The following HS3ST1 variants were observed in gnomAD, a reference collection of about 807,000 sequenced individuals.
HS3ST1 encodes the protein heparan sulfate-glucosamine 3-sulfotransferase 1.
HS3ST1 carries 8 observed loss-of-function variants against 20.7 expected under a neutral mutation model. The observed-to-expected ratio is 0.39, with a 90% CI of 0.23 to 0.70. The LOEUF (loss-of-function observed/expected upper bound fraction) is 0.70, where lower values mean the gene tolerates loss of function less well. Ranked by LOEUF, HS3ST1 falls within the 30% of genes least tolerant of loss-of-function variation. HS3ST1 has a pLI of 0.46. For missense variants in HS3ST1, 436 were observed against 423.4 expected, an observed-to-expected ratio of 1.03 and a Z score of -0.26; for synonymous variants, 205 against 190.4, an observed-to-expected ratio of 1.08 and a Z score of -0.63.
Position 11,400,020 on chromosome 4 carries a change from T to G in HS3ST1, c.-15A>C, listed in dbSNP as rs1718279436. Reference sequence around the variant, plus strand: ...AGCGCGGCCATGCTGGACACCACGGTGGCTTCACTGGGCCGCGCGCCGCTG... The same window carrying G: ...AGCGCGGCCATGCTGGACACCACGGGGGCTTCACTGGGCCGCGCGCCGCTG... On this transcript the variant is annotated 5_prime_UTR_variant, in exon 2 of 2. Coordinates refer to ENST00000002596, the MANE Select transcript of HS3ST1 (RefSeq NM_005114.4). The G allele has an allele frequency of 6.7e-7, 1 of 1,483,906 alleles. No individual in the cohort carries two copies. The highest frequency in any genetic ancestry group is 1.4e-5 in the African/African-American group (1 of 71,622). 91.9% of individuals were successfully genotyped at this position (1,483,906 alleles called of 1,614,324 possible). A position where few individuals can be genotyped will look rare whatever the true frequency, so the allele number is the denominator to read the frequency against.
rs1718139968 is a variant in HS3ST1 at position 11,396,155 on chromosome 4, C to T, written c.*2927G>A. 1 of 152,216 alleles carries T rather than the reference C, an allele frequency of 6.6e-6. No homozygotes were observed. The highest frequency in any genetic ancestry group is 2.1e-4 in the South Asian group (1 of 4,828). The allele number at this position is 152,216 out of a possible 1,614,324, so 9.4% of individuals were successfully genotyped here. On this transcript the variant is annotated 3_prime_UTR_variant, in exon 2 of 2. Coordinates refer to ENST00000002596, the MANE Select transcript of HS3ST1 (RefSeq NM_005114.4). ...CTCCATCTCCTTTCAGTTGGGTAAG[C>T]CTCCAAGCACAGAAGGAGTAAAGCA... is the stretch of plus-strand genomic sequence containing the variant.
intron 1 of HS3ST1, among the ~76,000 whole-genome samples, chr4:11,410,187 C>G (rs1718580469): frequency 6.6e-6 from 1 of 152,212 alleles, no homozygotes; most frequent in Admixed American, 6.5e-5. Context: ...CCTGGGGACA[C>G]TGAAATAATC....
Position 11,410,897 on chromosome 4 carries a change from AT to A in HS3ST1, c.-108-10785del, listed in dbSNP as rs1322926048. 2.8e-3 allele frequency among the ~76,000 whole-genome samples: 61 copies of A among 21,574 alleles called. 1 individual carries two copies. The highest frequency in any genetic ancestry group is 7.6e-3 in the African/African-American group (44 of 5,786). The allele number at this position is 21,574 out of a possible 152,430, so 14.2% of individuals were successfully genotyped here. On this transcript the variant is annotated intron_variant, in intron 1 of 1. Transcript: ENST00000002596. Reference sequence around the variant, plus strand: ...ACAGAGCGAGACTCCATCTCAAAAAATAAATAAATAAATAAATAAATAAAAA... The same window carrying A: ...ACAGAGCGAGACTCCATCTCAAAAAAAAATAAATAAATAAATAAATAAAAA...
intron 1 of HS3ST1, among the ~76,000 whole-genome samples, chr4:11,404,309 C>G (rs1718404700): frequency 6.6e-6 from 1 of 152,162 alleles, no homozygotes; most frequent in Admixed American, 6.5e-5. Context: ...TTCGGTCTCC[C>G]AAAGTGCTTG....
chr4:11,397,523 C>G lies in HS3ST1; in HGVS notation c.*1559G>C, dbSNP rs1718174999. The G allele has an allele frequency of 6.6e-6, 1 of 152,204 alleles. No homozygotes were observed. Among genetic ancestry groups the G allele is most frequent in the Non-Finnish European group, 1.5e-5 (1 of 68,040 alleles). The allele number at this position is 152,204 out of a possible 1,614,324, so 9.4% of individuals were successfully genotyped here. On this transcript the variant is annotated 3_prime_UTR_variant, in exon 2 of 2. Transcript: ENST00000002596. ...GAACTGGCTCTGAGTCTGGGCTTTTCCTTTTGAGTTCAGAAAGAGTTGGGT... is the reference window on the plus strand; with the variant it reads ...GAACTGGCTCTGAGTCTGGGCTTTTGCTTTTGAGTTCAGAAAGAGTTGGGT...
intron 1 of HS3ST1, among the ~76,000 whole-genome samples, chr4:11,426,497 G>A (rs115345106): frequency 0.011 from 1,667 of 152,272 alleles, 14 homozygotes; most frequent in East Asian, 0.018. Flanking sequence ...CCACAGGAAA[G>A]TAAAGAACCC....
At chr4:11,413,266 T>G (rs751529831) in intron 1 of HS3ST1, among the ~76,000 whole-genome samples, 16 of 152,122 alleles carry the variant, frequency 1.1e-4, no homozygotes, top group Non-Finnish European at 2.2e-4. Flanking sequence ...TGGGATAAGA[T>G]TTCCCTTATC....
At chr4:11,403,598 G>A (rs1718386322) in intron 1 of HS3ST1, among the ~76,000 whole-genome samples, 1 of 152,150 alleles carries the variant, frequency 6.6e-6, no homozygotes, top group African/African-American at 2.4e-5. Flanking sequence ...GTAAGTGGTT[G>A]TAATGTAAAA....
At chr4:11,416,737 A>C (rs1718792552) in intron 1 of HS3ST1, among the ~76,000 whole-genome samples, 1 of 152,190 alleles carries the variant, frequency 6.6e-6, no homozygotes, top group African/African-American at 2.4e-5. Context: ...GTGACCACAC[A>C]TCAGTTCCCC....
rs80011711 is a variant in HS3ST1 at position 11,426,901 on chromosome 4, A to G, written c.-109+1798T>C. ...GGGGGAAAATCTAAGCGCTGGATGT[A>G]CAACGGGAAGGGTAAGGCAGGGATT... On this transcript the variant is annotated intron_variant, in intron 1 of 1. Coordinates refer to ENST00000002596, the MANE Select transcript of HS3ST1 (RefSeq NM_005114.4). Among the ~76,000 whole-genome samples the G allele has an allele frequency of 2.8e-4, 42 of 152,368 alleles. No individual in the cohort carries two copies. In the East Asian group the frequency reaches 8.1e-3, roughly 29 times the overall value.
chr4:11,428,172 TC>T (rs1377750095), intron 1 of HS3ST1, among the ~76,000 whole-genome samples: 11 of 152,316 alleles, frequency 7.2e-5, no homozygotes, highest in African/African-American at 2.6e-4. Context: ...CCTCAATCTC[TC>T]TCTTTGGGAG....
intron 1 of HS3ST1, among the ~76,000 whole-genome samples, chr4:11,410,550 A>G (rs973908580): frequency 5.3e-5 from 8 of 152,206 alleles, no homozygotes; most frequent in Admixed American, 4.6e-4. Context: ...ATGAGGCTAC[A>G]GGACCCACAG....
rs770083987 is a variant in HS3ST1, at chr4:11,399,048, A to G, written c.*34T>C. 1 of 1,558,916 alleles carries G rather than the reference A, an allele frequency of 6.4e-7. No individual in the cohort carries two copies. The highest frequency in any genetic ancestry group is 1.2e-5 in the South Asian group (1 of 85,042). On this transcript the variant is annotated 3_prime_UTR_variant, in exon 2 of 2. Coordinates refer to ENST00000002596, the MANE Select transcript of HS3ST1 (RefSeq NM_005114.4). The surrounding 1 kb of genome is among the most constrained non-coding windows in gnomAD (Gnocchi z 5.1). ...CCCTCAGATGTACACCAGAACTTAC[A>G]GTAGGAAAGTTTCTGAGCTTAGCTT...
rs1262117935 is a variant in HS3ST1 at position 11,397,571 on chromosome 4, C to A, written c.*1511G>T. On this transcript the variant is annotated 3_prime_UTR_variant, in exon 2 of 2. Coordinates refer to ENST00000002596, the MANE Select transcript of HS3ST1 (RefSeq NM_005114.4). The stretch of plus-strand genomic sequence containing the variant: ...GGTAAAAACTAAATACATAAATAAC[C>A]TGTGCTTTGGCTCTGAGTAGCCTCT... 1 of 152,172 alleles carries A rather than the reference C, an allele frequency of 6.6e-6. No individual in the cohort carries two copies. The highest frequency in any genetic ancestry group is 2.4e-5 in the African/African-American group (1 of 41,430). 9.4% of individuals were successfully genotyped at this position (152,172 alleles called of 1,614,324 possible). A position where few individuals can be genotyped will look rare whatever the true frequency, so the allele number is the denominator to read the frequency against.
chr4:11,397,952 C>G lies in HS3ST1; in HGVS notation c.*1130G>C, dbSNP rs1718183138. ...GGTTTATGTGACCATCTCCAACAAGCTGGCTGCTCAGGGGCAGAAGTAAAA... is the reference window on the plus strand; with the variant it reads ...GGTTTATGTGACCATCTCCAACAAGGTGGCTGCTCAGGGGCAGAAGTAAAA... On this transcript the variant is annotated 3_prime_UTR_variant, in exon 2 of 2. Transcript: ENST00000002596. The G allele has an allele frequency of 6.6e-6, 1 of 152,194 alleles. No homozygotes were observed. The highest frequency in any genetic ancestry group is 2.4e-5 in the African/African-American group (1 of 41,438). The allele number at this position is 152,194 out of a possible 1,614,324, so 9.4% of individuals were successfully genotyped here.
Position 11,399,394 on chromosome 4 carries a change from C to T in HS3ST1, c.612G>A (p.Leu204=). ...SLYHVHMQNW[L]RFFPLRHIHI... ...GGATGTGGCGCAGCGGGAAAAAGCG[C>T]AGCCAGTTCTGCATGTGCACGTGGT... The change falls in exon 2 of 2, where the codon CTG becomes CTA. Residue 204 remains leucine, a synonymous_variant. Coordinates refer to ENST00000002596, the MANE Select transcript of HS3ST1 (RefSeq NM_005114.4). This position sits in a 1 kb window ranked among gnomAD's most constrained non-coding sequence, Gnocchi z 5.1. 3 of 1,614,056 alleles carry T rather than the reference C, an allele frequency of 1.9e-6. No individual in the cohort carries two copies. The highest frequency in any genetic ancestry group is 2.5e-6 in the Non-Finnish European group (3 of 1,180,030).
At chr4:11,427,029 AT>A (rs1367382115) in intron 1 of HS3ST1, among the ~76,000 whole-genome samples, 3 of 152,230 alleles carry the variant, frequency 2.0e-5, no homozygotes, top group Non-Finnish European at 2.9e-5. Context: ...CAAGAAAAAA[AT>A]CCGAACGTCA....
chr4:11,431,517 T>C (rs1419907362), upstream of HS3ST1, among the ~76,000 whole-genome samples: 1 of 152,208 alleles, frequency 6.6e-6, no homozygotes. Context: ...TACAACACTA[T>C]GCCAGTTACT....
At chr4:11,422,602 G>A (rs1283255448) in intron 1 of HS3ST1, among the ~76,000 whole-genome samples, 1 of 152,046 alleles carries the variant, frequency 6.6e-6, no homozygotes, top group East Asian at 1.9e-4. Flanking sequence ...TCAATGACAA[G>A]AACTATTTCT....
Sources: allele counts gnomAD v4.1 joint callset (sites outside exome capture counted in the v4.1 genomes callset), GRCh38; gene constraint gnomAD v4.1.1; non-coding constraint Gnocchi (gnomAD v3.1); transcripts MANE v1.5; gene names NCBI Gene and HGNC (gene_info 2026-07-23, HGNC 2026-07-21).